CFAP299: variants seen among roughly 807,000 people sequenced by gnomAD.
CFAP299 encodes the protein cilia and flagella associated protein 299.
Under a neutral mutation model 27.0 loss-of-function variants are expected in CFAP299, and 21 were observed. The ratio of observed to expected loss-of-function variants is 0.78; its 90% CI spans 0.55 to 1.12. The LOEUF is 1.12. Among genes scored for constraint, CFAP299 ranks in the 50% most tolerant of loss-of-function variants. The pLI, the probability that CFAP299 is intolerant of heterozygous loss-of-function variation, is 0.00. For synonymous variants in CFAP299, 104 were observed against 98.1 expected, an observed-to-expected ratio of 1.06 and a Z score of -0.36; for missense variants, 310 against 276.6, an observed-to-expected ratio of 1.12 and a Z score of -0.86.
intron 5 of CFAP299, among the ~76,000 whole-genome samples, chr4:80,953,766 T>C (rs983456957): frequency 4.6e-5 from 7 of 152,156 alleles, no homozygotes; most frequent in African/African-American, 1.7e-4. Context: ...TTGAATTATG[T>C]ATATACATAA....
intron 2 of CFAP299, among the ~76,000 whole-genome samples, chr4:80,366,269 T>C (rs1723828251): frequency 6.6e-6 from 1 of 152,200 alleles, no homozygotes; most frequent in Non-Finnish European, 1.5e-5. Flanking sequence ...AATATGCAGG[T>C]GAGCAACTCC....
intron 2 of CFAP299, among the ~76,000 whole-genome samples, chr4:80,368,452 A>G (rs1042415944): frequency 3.3e-5 from 5 of 152,168 alleles, no homozygotes; most frequent in Admixed American, 6.5e-5. Context: ...TTTCTGCTAT[A>G]ATGTATAGTT....
intron 3 of CFAP299, among the ~76,000 whole-genome samples, chr4:80,800,364 AATATAATAT>A (rs1200457520): frequency 1.4e-5 from 1 of 71,984 alleles, no homozygotes; most frequent in African/African-American, 6.6e-5. Flanking sequence ...ATGATATATT[AATATAATAT>A]ATATAATATA....
At chr4:80,596,602 T>C (rs1205386591) in intron 3 of CFAP299, among the ~76,000 whole-genome samples, 1 of 152,136 alleles carries the variant, frequency 6.6e-6, no homozygotes, top group African/African-American at 2.4e-5. Context: ...TTTTTAAAAT[T>C]GAGGCTTAGC....
At chr4:80,513,758 T>A (rs964597191) in intron 2 of CFAP299, among the ~76,000 whole-genome samples, 1 of 152,094 alleles carries the variant, frequency 6.6e-6, no homozygotes, top group African/African-American at 2.4e-5. Flanking sequence ...TAATAGTATT[T>A]TTTTCCAATC....
At chr4:80,962,626 GCA>G (rs1195526965) in intron 5 of CFAP299, among the ~76,000 whole-genome samples, 1 of 151,772 alleles carries the variant, frequency 6.6e-6, no homozygotes, top group African/African-American at 2.4e-5. Context: ...TTAGATGGGG[GCA>G]CAGTCAGGAC....
chr4:80,843,854 G>A (rs547429342), intron 3 of CFAP299, among the ~76,000 whole-genome samples: 24 of 152,030 alleles, frequency 1.6e-4, no homozygotes, highest in South Asian at 2.1e-4. Context: ...TTGGTGCGCC[G>A]CACCCATTAA....
chr4:80,703,606 T>A (rs1192984701), intron 3 of CFAP299, among the ~76,000 whole-genome samples: 1 of 151,668 alleles, frequency 6.6e-6, no homozygotes, highest in Non-Finnish European at 1.5e-5. Flanking sequence ...GAGGTATTTT[T>A]TTTTTGCTTA....
chr4:80,324,190 C>T, the CFAP299 span, among the ~76,000 whole-genome samples: 8 of 152,008 alleles, frequency 5.3e-5, no homozygotes, highest in Non-Finnish European at 8.8e-5. Flanking sequence ...CCTGTGTCCA[C>T]GTGAAGAAAC....
chr4:80,439,977 C>T (rs985598047), intron 2 of CFAP299, among the ~76,000 whole-genome samples: 4 of 152,152 alleles, frequency 2.6e-5, no homozygotes, highest in Admixed American at 6.6e-5. Context: ...TCTGCAAAGC[C>T]GCTGTAGTTA....
chr4:80,690,188 C>T (rs746261316), intron 3 of CFAP299, among the ~76,000 whole-genome samples: 1 of 151,140 alleles, frequency 6.6e-6, no homozygotes, highest in Non-Finnish European at 1.5e-5. Context: ...CTGCACCAAG[C>T]AGATCTAATA....
chr4:80,900,850 T>C (rs1734854396), intron 4 of CFAP299, among the ~76,000 whole-genome samples: 1 of 152,008 alleles, frequency 6.6e-6, no homozygotes, highest in South Asian at 2.1e-4. Flanking sequence ...CTTTTGTTTC[T>C]GCATTTTATA....
intron 3 of CFAP299, among the ~76,000 whole-genome samples, chr4:80,691,784 T>C (rs917428511): frequency 6.6e-6 from 1 of 152,172 alleles, no homozygotes; most frequent in Non-Finnish European, 1.5e-5. Flanking sequence ...TGATTGTATA[T>C]CTAGAAAACC....
chr4:80,551,172 A>G (rs1289221277), intron 2 of CFAP299, among the ~76,000 whole-genome samples: 3 of 152,208 alleles, frequency 2.0e-5, no homozygotes, highest in African/African-American at 7.2e-5. Flanking sequence ...GGAGTTTCAA[A>G]TATCATATAG....
intron 3 of CFAP299, among the ~76,000 whole-genome samples, chr4:80,667,783 A>G (rs563411573): frequency 1.3e-5 from 2 of 152,262 alleles, no homozygotes; most frequent in African/African-American, 4.8e-5. Flanking sequence ...CAATAAACAT[A>G]GGAGTGTAGA....
chr4:80,428,876 G>A (rs1444939066), intron 2 of CFAP299, among the ~76,000 whole-genome samples: 1 of 151,954 alleles, frequency 6.6e-6, no homozygotes, highest in Non-Finnish European at 1.5e-5. Context: ...ATGAATAGAG[G>A]TAAACTAATA....
intron 4 of CFAP299, among the ~76,000 whole-genome samples, chr4:80,916,252 AATATATATATATATATATAT>A (rs10696316): frequency 0.068 from 4,146 of 60,998 alleles, 335 homozygotes; most frequent in African/African-American, 0.14. Context: ...ACTAGACTGA[AATATATATATATATATATAT>A]ATATATATAT....
At chr4:80,686,266 A>C (rs1473887885) in intron 3 of CFAP299, among the ~76,000 whole-genome samples, 2 of 152,138 alleles carry the variant, frequency 1.3e-5, no homozygotes, top group African/African-American at 4.8e-5. Context: ...GGCCATTCCC[A>C]CACCAAAGAG....
intron 2 of CFAP299, among the ~76,000 whole-genome samples, chr4:80,381,323 G>A (rs1042447798): frequency 2.6e-5 from 4 of 151,364 alleles, no homozygotes; most frequent in African/African-American, 9.8e-5. Context: ...ATTCTAATTG[G>A]TAATGAAAAA....
Sources: gnomAD v4.1 joint callset for allele counts (sites outside exome capture counted in the v4.1 genomes callset) on GRCh38, gnomAD v4.1.1 for gene constraint, MANE v1.5 for transcripts, NCBI Gene and HGNC (gene_info 2026-07-23, HGNC 2026-07-21) for gene names.